NBEA: variants seen among roughly 807,000 people sequenced by gnomAD.
NBEA encodes the protein neurobeachin.
NBEA carries 44 observed loss-of-function variants against 343.4 expected under a neutral mutation model. The observed-to-expected ratio is 0.13, with a 90% confidence interval of 0.10 to 0.16. The LOEUF (loss-of-function observed/expected upper bound fraction) is 0.16, where lower values mean the gene tolerates loss of function less well. Ranked by LOEUF, NBEA falls within the 10% of genes least tolerant of loss-of-function variation. The pLI, the probability that NBEA is intolerant of heterozygous loss-of-function variation, is 1.00. For synonymous variants in NBEA, 1,175 were observed against 1,238.7 expected, an observed-to-expected ratio of 0.95 and a Z score of 1.08; for missense variants, 2,555 against 3,631.3, an observed-to-expected ratio of 0.70 and a Z score of 7.62.
At chr13:35,269,852 A>G (rs939983119) in intron 34 of NBEA, among the ~76,000 whole-genome samples, 5 of 152,174 alleles carry the variant, frequency 3.3e-5, no homozygotes, top group Admixed American at 6.5e-5. Context: ...TTAAGAAAGG[A>G]CTTAGAAGAA....
chr13:35,522,131 T>C (rs1236210707), intron 41 of NBEA, among the ~76,000 whole-genome samples: 1 of 151,938 alleles, frequency 6.6e-6, no homozygotes, highest in African/African-American at 2.4e-5. Flanking sequence ...AGATGGATGC[T>C]GATACTCAGC....
intron 1 of NBEA, among the ~76,000 whole-genome samples, chr13:35,038,496 CAG>C (rs1039651287): frequency 1.6e-4 from 24 of 152,212 alleles, no homozygotes; most frequent in African/African-American, 5.8e-4. Flanking sequence ...CAACAAGTCT[CAG>C]AAACTCACCA....
At chr13:35,400,190 A>C (rs2042932857) in intron 38 of NBEA, among the ~76,000 whole-genome samples, 1 of 101,216 alleles carries the variant, frequency 9.9e-6, no homozygotes, top group African/African-American at 3.7e-5. Context: ...ACAACTCTTC[A>C]ATTTGTAAAA....
intron 41 of NBEA, among the ~76,000 whole-genome samples, chr13:35,480,234 C>G (rs1191629939): frequency 1.3e-5 from 2 of 152,086 alleles, no homozygotes; most frequent in African/African-American, 4.8e-5. Flanking sequence ...GTCTCCACTT[C>G]TGCAGACCTG....
chr13:35,044,318 C>T (rs761777020), intron 2 of NBEA, among the ~76,000 whole-genome samples: 3 of 152,022 alleles, frequency 2.0e-5, no homozygotes, highest in Non-Finnish European at 4.4e-5. Flanking sequence ...ACAATTTGCT[C>T]ATTTTAAAAG....
chr13:35,300,147 A>G (rs1028653118), intron 35 of NBEA, among the ~76,000 whole-genome samples: 3 of 152,128 alleles, frequency 2.0e-5, no homozygotes, highest in Admixed American at 2.0e-4. Flanking sequence ...TTACATAGTA[A>G]TATGCACTTA....
intron 1 of NBEA, among the ~76,000 whole-genome samples, chr13:34,971,137 A>G (rs545399362): frequency 4.4e-4 from 66 of 151,494 alleles, no homozygotes; most frequent in African/African-American, 1.5e-3. Flanking sequence ...TTTTGTGGCA[A>G]TTGTGAGTGG....
At chr13:35,401,109 A>C (rs2042984711) in intron 38 of NBEA, among the ~76,000 whole-genome samples, 1 of 151,930 alleles carries the variant, frequency 6.6e-6, no homozygotes, top group African/African-American at 2.4e-5. Flanking sequence ...TTTCCACATT[A>C]CTGTAAGATT....
chr13:35,562,894 C>A (rs1436169692), intron 44 of NBEA, among the ~76,000 whole-genome samples: 1 of 151,994 alleles, frequency 6.6e-6, no homozygotes, highest in Non-Finnish European at 1.5e-5. Context: ...TCAGCTGTCT[C>A]TAGATCACTT....
intron 31 of NBEA, among the ~76,000 whole-genome samples, chr13:35,207,081 C>G (rs1179547425): frequency 6.6e-6 from 1 of 151,826 alleles, no homozygotes; most frequent in Admixed American, 6.6e-5. Flanking sequence ...ATGAGTAAAA[C>G]TATTTAAGAT....
rs758231509 is a variant in NBEA at position 35,159,599 on chromosome 13, G to A, written c.3428G>A (p.Ser1143Asn). 6.2e-6 allele frequency: 10 copies of A among 1,611,580 alleles called. No individual in the cohort carries two copies. The South Asian group carries it at 7.7e-5, about 12-fold the overall frequency. ...GAGAAAGAAGACCTTCCCAATAGTA[G>A]TACATCATTTCTCTTTGATAAAATA... is the stretch of plus-strand genomic sequence containing the variant. ...ADEKEDLPNS[S>N]TSFLFDKIPK... The change falls in exon 22 of 59, where the codon AGT becomes AAT. Residue 1143 changes from serine (S) to asparagine (N), a missense_variant. Around this residue, in one of 21 missense-constraint regions of NBEA, gnomAD observed 367 missense variants for 377.5 expected, o/e 0.97. Transcript: ENST00000379939.
At chr13:35,518,027 T>C (rs1436399919) in intron 41 of NBEA, among the ~76,000 whole-genome samples, 1 of 152,218 alleles carries the variant, frequency 6.6e-6, no homozygotes, top group Non-Finnish European at 1.5e-5. Flanking sequence ...ATGTATTTTC[T>C]TTCCTAATTT....
chr13:35,214,632 C>G (rs1182771585), intron 33 of NBEA, among the ~76,000 whole-genome samples: 1 of 151,288 alleles, frequency 6.6e-6, no homozygotes, highest in Non-Finnish European at 1.5e-5. Context: ...ATTTTTTGTT[C>G]CATTTTGTTG....
rs868457784 is a variant in NBEA, at chr13:35,306,797, T to A, written c.5839-2731T>A. Among the ~76,000 whole-genome samples the A allele has an allele frequency of 4.6e-5, 7 of 152,222 alleles. No individual in the cohort carries two copies. The South Asian group carries it at 1.2e-3, about 27-fold the overall frequency. On this transcript the variant is annotated intron_variant, in intron 35 of 58. Coordinates refer to ENST00000379939, the MANE Select transcript of NBEA (RefSeq NM_001385012.1). ...TTCTGTTCTTAAATTTTGATAGATC[T>A]TTTTCTGTCCCTTTCTATTGCCTCT...
chr13:35,648,833 G>A (rs929593676), intron 51 of NBEA, among the ~76,000 whole-genome samples: 7 of 149,710 alleles, frequency 4.7e-5, no homozygotes, highest in Non-Finnish European at 8.9e-5. Context: ...ACACGTGACA[G>A]GGAACAACAC....
At chr13:35,300,595 C>A (rs17052026) in intron 35 of NBEA, among the ~76,000 whole-genome samples, 1 of 152,016 alleles carries the variant, frequency 6.6e-6, no homozygotes, top group Non-Finnish European at 1.5e-5. Flanking sequence ...AAAACTATTT[C>A]GTTTACATGC....
intron 49 of NBEA, among the ~76,000 whole-genome samples, chr13:35,633,423 C>T (rs1377998052): frequency 1.0e-4 from 15 of 150,116 alleles, no homozygotes; most frequent in Admixed American, 9.3e-4. Context: ...TTCAGCTGGG[C>T]GTGATAGCTC....
At chr13:35,100,241 A>G (rs1473090263) in intron 11 of NBEA, among the ~76,000 whole-genome samples, 1 of 152,068 alleles carries the variant, frequency 6.6e-6, no homozygotes, top group Admixed American at 6.5e-5. Flanking sequence ...CTTTATACAT[A>G]TTGTGTATAT....
chr13:35,463,011 G>A (rs1349487640), intron 40 of NBEA, among the ~76,000 whole-genome samples: 1 of 152,190 alleles, frequency 6.6e-6, no homozygotes, highest in Non-Finnish European at 1.5e-5. Flanking sequence ...TGAGAGCCAA[G>A]TTGGGCATGG....
Sources: gnomAD v4.1 joint callset for allele counts (sites outside exome capture counted in the v4.1 genomes callset) on GRCh38, gnomAD v4.1.1 for gene constraint, gnomAD v4.1.1 regional missense constraint, MANE v1.5 for transcripts, NCBI Gene and HGNC (gene_info 2026-07-23, HGNC 2026-07-21) for gene names.